Variants in CEP112 observed in about 807,000 individuals in gnomAD.
CEP112 encodes the protein centrosomal protein 112, also known as centrosomal protein of 112 kDa.
A neutral mutation model predicts 153.0 loss-of-function variants in CEP112; 127 were observed. The ratio of observed to expected loss-of-function variants is 0.83; its 90% CI spans 0.72 to 0.96. The LOEUF is 0.96. CEP112 is among the 40% of genes least tolerant of loss of function. CEP112 has a pLI of 0.00. For missense variants in CEP112, 1,089 were observed against 1,101.2 expected, an observed-to-expected ratio of 0.99 and a Z score of 0.16; for synonymous variants, 358 against 374.4, an observed-to-expected ratio of 0.96 and a Z score of 0.51.
intron 15 of CEP112, 31 bp downstream of exon 15, chr17:66,028,282 T>G (rs754260540): frequency 1.5e-6 from 2 of 1,316,890 alleles, no homozygotes; most frequent in Non-Finnish European, 2.2e-6. Flanking sequence ...TGTTTGACCA[T>G]TGTTCTTCTG....
At chr17:66,083,130 C>G (rs2067787416) in intron 8 of CEP112, among the ~76,000 whole-genome samples, 1 of 152,116 alleles carries the variant, frequency 6.6e-6, no homozygotes, top group African/African-American at 2.4e-5. Context: ...TACCATCATT[C>G]CAATGTGTTG....
At chr17:66,059,540 C>T (rs187830382) in intron 11 of CEP112, among the ~76,000 whole-genome samples, 10 of 152,024 alleles carry the variant, frequency 6.6e-5, no homozygotes, top group East Asian at 3.9e-4. Context: ...AACAAACATA[C>T]GAAAAAATGT....
intron 6 of CEP112, among the ~76,000 whole-genome samples, chr17:66,125,473 G>T (rs1371036656): frequency 6.6e-6 from 1 of 151,972 alleles, no homozygotes; most frequent in East Asian, 1.9e-4. Flanking sequence ...CTATGATCAT[G>T]CCACTGCACT....
chr17:66,053,771 T>C lies in CEP112; in HGVS notation c.1183A>G (p.Met395Val), dbSNP rs2145935174. The C allele has an allele frequency of 1.2e-6, 2 of 1,613,640 alleles. No homozygotes were observed. The highest frequency in any genetic ancestry group is 1.7e-6 in the Non-Finnish European group (2 of 1,179,724). The change falls in exon 12 of 27, where the codon ATG becomes GTG. Residue 395 changes from methionine to valine, a missense_variant. Coordinates refer to ENST00000535342, the MANE Select transcript of CEP112 (RefSeq NM_001199165.4). Reference protein sequence around the residue: ...LEDTNVRLNKMESEYMAQTQS... With the variant: ...LEDTNVRLNKVESEYMAQTQS... Reference sequence around the variant, plus strand: ...GTTTGCGCCATGTATTCACTCTCCATTTTATTCAGACGCACATTTGTATCC... The same window carrying C: ...GTTTGCGCCATGTATTCACTCTCCACTTTATTCAGACGCACATTTGTATCC...
At chr17:65,933,540 A>C (rs1418471017) in intron 18 of CEP112, among the ~76,000 whole-genome samples, 1 of 152,222 alleles carries the variant, frequency 6.6e-6, no homozygotes. Context: ...ATATACTCAA[A>C]GTACTGAAGG....
intron 24 of CEP112, among the ~76,000 whole-genome samples, chr17:65,686,819 GC>G (rs1360892225): frequency 4.6e-5 from 7 of 152,010 alleles, no homozygotes; most frequent in African/African-American, 1.5e-4. Context: ...ATGTCTGTTT[GC>G]CTGCCATCCT....
intron 8 of CEP112, among the ~76,000 whole-genome samples, chr17:66,083,880 G>C (rs1351916028): frequency 6.6e-6 from 1 of 152,016 alleles, no homozygotes; most frequent in Non-Finnish European, 1.5e-5. Context: ...AACAAAAAAA[G>C]AACTAACATA....
chr17:66,062,567 A>C (rs1481332920), intron 11 of CEP112, among the ~76,000 whole-genome samples: 4 of 152,142 alleles, frequency 2.6e-5, no homozygotes, highest in Non-Finnish European at 5.9e-5. Context: ...TTTATACAAT[A>C]AATTCTAGTC....
chr17:65,848,762 G>A (rs149077333), intron 21 of CEP112, among the ~76,000 whole-genome samples: 176 of 152,236 alleles, frequency 1.2e-3, no homozygotes, highest in Non-Finnish European at 1.9e-3. Flanking sequence ...CTCCTCCTCC[G>A]ACCAGAAACT....
intron 19 of CEP112, among the ~76,000 whole-genome samples, chr17:65,912,835 C>T (rs908695850): frequency 6.6e-6 from 1 of 152,162 alleles, no homozygotes; most frequent in Non-Finnish European, 1.5e-5. Context: ...TGCCAGGTAA[C>T]ACTTTCCTCT....
chr17:65,972,773 T>C (rs1157737322), intron 17 of CEP112, among the ~76,000 whole-genome samples: 1 of 152,228 alleles, frequency 6.6e-6, no homozygotes, highest in African/African-American at 2.4e-5. Flanking sequence ...TTTTGTTTTG[T>C]TTTTTGTTTT....
intron 24 of CEP112, among the ~76,000 whole-genome samples, chr17:65,673,971 G>C (rs1010513564): frequency 2.6e-5 from 4 of 152,118 alleles, no homozygotes; most frequent in African/African-American, 9.7e-5. Context: ...CCACCTCCTG[G>C]GTTCAAGCCA....
chr17:66,176,991 T>C lies in CEP112; in HGVS notation c.136A>G (p.Lys46Glu). The change falls in exon 3 of 27, where the codon AAG becomes GAG. Residue 46 changes from lysine to glutamate, a missense_variant. Coordinates refer to ENST00000535342, the MANE Select transcript of CEP112 (RefSeq NM_001199165.4). ...CCTGTTCCTGAAGGTTCGCACAGCT[T>C]TCTAATCCAAAGAGCACACCTCTGC... ...ERQRCALWIRKLCEPSGTGAG... is the reference protein window; with the variant it reads ...ERQRCALWIRELCEPSGTGAG... 7 of 1,613,090 alleles carry C rather than the reference T, an allele frequency of 4.3e-6. No individual in the cohort carries two copies. The highest frequency in any genetic ancestry group is 5.9e-6 in the Non-Finnish European group (7 of 1,179,508).
At chr17:65,666,190 AG>A (rs762873029) in intron 24 of CEP112, among the ~76,000 whole-genome samples, 1 of 152,240 alleles carries the variant, frequency 6.6e-6, no homozygotes, top group Non-Finnish European at 1.5e-5. Flanking sequence ...CTTTATCCCC[AG>A]GCTACCGCCT....
intron 18 of CEP112, among the ~76,000 whole-genome samples, chr17:65,956,409 TACACAC>T (rs55652336): frequency 0.066 from 9,693 of 146,678 alleles, 464 homozygotes; most frequent in African/African-American, 0.13. Flanking sequence ...CATACATACA[TACACAC>T]ACACACACAC....
In CEP112 at chr17:65,704,420, T is replaced by TACACACACACACAC. The variant is rs3074178; in HGVS notation, c.2608-15216_2608-15203dup. 6.1e-5 allele frequency among the ~76,000 whole-genome samples: 9 copies of TACACACACACACAC among 147,798 alleles called. No homozygotes were observed. In the East Asian group the frequency reaches 1.0e-3, roughly 17 times the overall value. ...ATTTTCTCTTGTAAAACGTGTAAAA[T>TACACACACACACAC]ACACACACACACACACACACACACA... is the stretch of plus-strand genomic sequence containing the variant. On this transcript the variant is annotated intron_variant, in intron 23 of 26. Coordinates refer to ENST00000535342, the MANE Select transcript of CEP112 (RefSeq NM_001199165.4).
intron 6 of CEP112, among the ~76,000 whole-genome samples, chr17:66,107,165 C>T (rs1381944956): frequency 6.6e-6 from 1 of 152,012 alleles, no homozygotes; most frequent in African/African-American, 2.4e-5. Context: ...AAGTCATATA[C>T]AACAGACCCA....
At chr17:65,984,892 A>G (rs1275316024) in intron 17 of CEP112, among the ~76,000 whole-genome samples, 1 of 152,146 alleles carries the variant, frequency 6.6e-6, no homozygotes, top group Non-Finnish European at 1.5e-5. Flanking sequence ...ACCAAGAGGG[A>G]TGACGAAAAC....
Position 65,976,930 on chromosome 17 carries a change from G to C in CEP112, c.1737-15332C>G, listed in dbSNP as rs750949275. Among the ~76,000 whole-genome samples the C allele has an allele frequency of 9.2e-5, 14 of 151,820 alleles. No individual in the cohort carries two copies. In the East Asian group the frequency reaches 1.6e-3, roughly 17 times the overall value. On this transcript the variant is annotated intron_variant, in intron 17 of 26. Coordinates refer to ENST00000535342, the MANE Select transcript of CEP112 (RefSeq NM_001199165.4). ...ATTTTTGTATTTTTAGTAGAAACAG[G>C]GTTTCACCATGTTGGCCAGGCTGTC... is the stretch of plus-strand genomic sequence containing the variant.
Sources: allele counts gnomAD v4.1 joint callset (sites outside exome capture counted in the v4.1 genomes callset), GRCh38; gene constraint gnomAD v4.1.1; transcripts MANE v1.5; gene names NCBI Gene and HGNC (gene_info 2026-07-23, HGNC 2026-07-21).